The following SYTL5 variants were observed in gnomAD, a reference collection of about 807,000 sequenced individuals.
SYTL5 encodes the protein synaptotagmin-like protein 5.
Under a neutral mutation model 55.9 loss-of-function variants are expected in SYTL5, and 34 were observed. That is an observed-to-expected ratio of 0.61 (90% CI 0.46 to 0.81). The LOEUF (loss-of-function observed/expected upper bound fraction) is 0.81. Among genes scored for constraint, SYTL5 ranks in the 30% least tolerant of loss-of-function variants. The pLI is 0.00. For missense variants in SYTL5, 637 were observed against 546.7 expected (o/e 1.17, Z -1.65); for synonymous variants, 221 against 188.7 (o/e 1.17, Z -1.40).
At chrX:37,995,207 C>T in the SYTL5 span, among the ~76,000 whole-genome samples, 2 of 110,855 alleles carry the variant, frequency 1.8e-5, no homozygotes, top group African/African-American at 6.6e-5. Context: ...CAGCCTGATG[C>T]TGGGGCCTAG....
chrX:38,049,440 G>A (rs978449274), intron 2 of SYTL5, among the ~76,000 whole-genome samples: 48 of 111,237 alleles, frequency 4.3e-4, no homozygotes, highest in African/African-American at 1.5e-3. Context: ...GTATTGTTAT[G>A]GGGGCTGCAT....
chrX:37,930,761 T>C, the SYTL5 span, among the ~76,000 whole-genome samples: 1 of 112,135 alleles, frequency 8.9e-6, no homozygotes, highest in Admixed American at 9.4e-5. Context: ...AAACACAGGG[T>C]TTGCATCAGT....
chrX:38,064,583 CTAAA>C (rs1936048965), intron 3 of SYTL5, among the ~76,000 whole-genome samples: 1 of 110,791 alleles, frequency 9.0e-6, no homozygotes, highest in African/African-American at 3.3e-5. Context: ...CCCTTCATCT[CTAAA>C]TATGTTTTTG....
the SYTL5 span, among the ~76,000 whole-genome samples, chrX:37,896,118 T>C: frequency 1.8e-5 from 2 of 112,130 alleles, no homozygotes; most frequent in African/African-American, 6.5e-5. Context: ...AACATACAAA[T>C]GTAGCAATTG....
At chrX:37,904,362 TG>T in the SYTL5 span, among the ~76,000 whole-genome samples, 2 of 95,671 alleles carry the variant, frequency 2.1e-5, no homozygotes, top group Non-Finnish European at 4.2e-5. Flanking sequence ...GAATGCAGAG[TG>T]GGGGGGACTT....
intron 13 of SYTL5, among the ~76,000 whole-genome samples, chrX:38,117,354 C>A (rs1474435606): frequency 1.8e-5 from 2 of 111,499 alleles, no homozygotes; most frequent in Admixed American, 1.9e-4. Context: ...AGCTAAAAAC[C>A]AATGGAACAT....
At chrX:37,935,705 G>T in the SYTL5 span, among the ~76,000 whole-genome samples, 2 of 111,834 alleles carry the variant, frequency 1.8e-5, no homozygotes, top group African/African-American at 3.2e-5. Flanking sequence ...GATGTTAATT[G>T]TCATTGCCAG....
chrX:38,076,689 C>T lies in SYTL5; in HGVS notation c.677C>T (p.Pro226Leu). 1 of 1,210,576 alleles carries T rather than the reference C, an allele frequency of 8.3e-7. No individual in the cohort carries two copies. Among genetic ancestry groups the T allele is most frequent in the East Asian group, 3.0e-5 (1 of 33,808 alleles). Reference sequence around the variant, plus strand: ...CATTTTCGGAGTTTAAAATCACCTCCTGGTTCAGACAGGTAAGAGTCATAC... The same window carrying T: ...CATTTTCGGAGTTTAAAATCACCTCTTGGTTCAGACAGGTAAGAGTCATAC... Reference protein sequence around the residue: ...GQHFRSLKSPPGSDRGSTGSS... With the variant: ...GQHFRSLKSPLGSDRGSTGSS... The change falls in exon 6 of 17, where the codon CCT becomes CTT. Residue 226 changes from proline (P) to leucine (L), a missense_variant. Physicochemically the swap from Pro to Leu is moderately conservative, Grantham distance 98. Coordinates refer to ENST00000297875, the MANE Select transcript of SYTL5 (RefSeq NM_138780.3).
chrX:38,039,330 G>A (rs1201417840), intron 2 of SYTL5, among the ~76,000 whole-genome samples: 1 of 112,214 alleles, frequency 8.9e-6, no homozygotes, highest in Admixed American at 9.4e-5. Flanking sequence ...AAGCAGAAAT[G>A]TTGCAAATAA....
At chrX:37,903,858 A>C in the SYTL5 span, among the ~76,000 whole-genome samples, 1 of 111,209 alleles carries the variant, frequency 9.0e-6, no homozygotes, top group African/African-American at 3.3e-5. Flanking sequence ...TGCCTCCTCC[A>C]TGAAGTACTG....
chrX:38,100,187 A>T (rs776642327), intron 9 of SYTL5, among the ~76,000 whole-genome samples: 2 of 111,213 alleles, frequency 1.8e-5, no homozygotes, highest in South Asian at 7.6e-4. Flanking sequence ...TTCATCCATG[A>T]AGCCAGCACT....
intron 6 of SYTL5, among the ~76,000 whole-genome samples, chrX:38,079,537 A>C (rs996483786): frequency 6.2e-5 from 7 of 112,467 alleles, no homozygotes; most frequent in African/African-American, 2.3e-4. Flanking sequence ...ATCCCTACAA[A>C]GTTGTGATGA....
At chrX:37,893,248 G>T in the SYTL5 span, among the ~76,000 whole-genome samples, 1 of 73,280 alleles carries the variant, frequency 1.4e-5, no homozygotes, top group Non-Finnish European at 2.2e-5. Flanking sequence ...TACTATATAT[G>T]TATATATAAC....
the SYTL5 span, among the ~76,000 whole-genome samples, chrX:37,938,768 T>C: frequency 9.0e-6 from 1 of 111,727 alleles, no homozygotes; most frequent in African/African-American, 3.3e-5. Flanking sequence ...GCTTTTTCCC[T>C]TTTATCAGCT....
chrX:37,985,795 C>A, the SYTL5 span, among the ~76,000 whole-genome samples: 1 of 111,243 alleles, frequency 9.0e-6, no homozygotes, highest in African/African-American at 3.3e-5. Context: ...CAACAGTAAT[C>A]AAGACATTGG....
chrX:38,065,993 G>A (rs1440094265), intron 3 of SYTL5, among the ~76,000 whole-genome samples: 1 of 110,556 alleles, frequency 9.0e-6, no homozygotes, highest in Non-Finnish European at 1.9e-5. Context: ...CCAGCTACTC[G>A]GGAGGCTGAG....
chrX:38,040,048 G>A (rs1416869158), intron 2 of SYTL5, among the ~76,000 whole-genome samples: 22 of 109,999 alleles, frequency 2.0e-4, no homozygotes, highest in African/African-American at 9.9e-5. Flanking sequence ...GGTGGCATGC[G>A]CCTGTAGTCC....
At chrX:37,903,888 C>T in the SYTL5 span, among the ~76,000 whole-genome samples, 3 of 111,052 alleles carry the variant, frequency 2.7e-5, no homozygotes, top group East Asian at 8.5e-4. Flanking sequence ...TTCTTATTCC[C>T]ACAGCACCTT....
At chrX:37,936,355 A>T in the SYTL5 span, among the ~76,000 whole-genome samples, 1 of 112,216 alleles carries the variant, frequency 8.9e-6, no homozygotes, top group African/African-American at 3.2e-5. Flanking sequence ...AGTAACTCTC[A>T]TTTAGATATC....
Sources: gnomAD v4.1 joint callset for allele counts (sites outside exome capture counted in the v4.1 genomes callset) on GRCh38, gnomAD v4.1.1 for gene constraint, MANE v1.5 for transcripts, NCBI Gene and HGNC (gene_info 2026-07-23, HGNC 2026-07-21) for gene names.